The following PPEF1 variants were observed in gnomAD, a reference collection of about 807,000 sequenced individuals.
The protein encoded by PPEF1 is serine/threonine-protein phosphatase with EF-hands 1.
PPEF1 carries 12 observed loss-of-function variants against 53.3 expected under a neutral mutation model. The ratio of observed to expected loss-of-function variants is 0.23; its 90% confidence interval spans 0.14 to 0.36. The LOEUF is 0.36. PPEF1 is among the 10% of genes least tolerant of loss of function. The pLI is 1.00. For synonymous variants in PPEF1, 165 were observed against 176.7 expected (o/e 0.93, Z 0.52); for missense variants, 334 against 490.4 (o/e 0.68, Z 3.01).
At chrX:18,711,748 C>T (rs1442074611) in intron 1 of PPEF1, among the ~76,000 whole-genome samples, 1 of 96,941 alleles carries the variant, frequency 1.0e-5, no homozygotes, top group Non-Finnish European at 2.0e-5. Flanking sequence ...GTCTGGATTA[C>T]TATAGCTTTT....
rs12862222 is a variant in PPEF1 at position 18,799,282 on chromosome X, C to T, written c.1066-4610C>T. On this transcript the variant is annotated intron_variant, in intron 10 of 15. Coordinates refer to ENST00000470157, the MANE Select transcript of PPEF1 (RefSeq NM_001377996.1). ...CTAGCTGGGCGTGGTGGCACGTACC[C>T]GTAATCTCAGCTAGTCGGGAGACTG... Among the ~76,000 whole-genome samples the T allele has an allele frequency of 1.5e-3, 158 of 106,294 alleles. 1 individual carries two copies. The highest frequency in any genetic ancestry group is 2.8e-3 in the Non-Finnish European group (143 of 51,729). The allele number at this position is 106,294 out of a possible 115,157, so 92.3% of individuals were successfully genotyped here.
intron 3 of PPEF1, among the ~76,000 whole-genome samples, chrX:18,745,662 A>G (rs746221848): frequency 1.3e-4 from 15 of 111,769 alleles, no homozygotes; most frequent in Admixed American, 1.2e-3. Flanking sequence ...TGAAACAGTG[A>G]AAGTGGGCAT....
At chrX:18,730,451 G>A in intron 2 of PPEF1, 143 bp downstream of exon 2, 1 of 723,685 alleles carries the variant, frequency 1.4e-6, no homozygotes, top group Non-Finnish European at 2.0e-6. Flanking sequence ...CATTGTCTTG[G>A]AACTAGTTAT....
intron 1 of PPEF1, among the ~76,000 whole-genome samples, chrX:18,716,298 C>T (rs896154927): frequency 5.4e-5 from 6 of 110,682 alleles, no homozygotes; most frequent in Admixed American, 1.9e-4. Context: ...TTTGGGAGGC[C>T]GAGGCGGGTG....
chrX:18,799,034 C>T (rs2046490816), intron 10 of PPEF1, among the ~76,000 whole-genome samples: 1 of 111,308 alleles, frequency 9.0e-6, no homozygotes, highest in African/African-American at 3.2e-5. Context: ...TCAGGAGTTC[C>T]AGACCAGCCT....
intron 6 of PPEF1, among the ~76,000 whole-genome samples, chrX:18,776,252 T>C (rs998452105): frequency 3.3e-5 from 3 of 91,166 alleles, no homozygotes; most frequent in Non-Finnish European, 4.6e-5. Flanking sequence ...TGGTTTGTTT[T>C]AGACAGGGTC....
intron 12 of PPEF1, among the ~76,000 whole-genome samples, chrX:18,809,515 G>C (rs1189109052): frequency 9.1e-6 from 1 of 110,132 alleles, no homozygotes; most frequent in Non-Finnish European, 1.9e-5. Flanking sequence ...TGACTAGCTG[G>C]GCAACATGGT....
chrX:18,747,527 A>G (rs2045355449), intron 3 of PPEF1, among the ~76,000 whole-genome samples: 1 of 112,194 alleles, frequency 8.9e-6, no homozygotes, highest in African/African-American at 3.2e-5. Context: ...CCTAGGCTGG[A>G]GTGCAGTGGC....
chrX:18,758,726 C>T (rs758399573), intron 5 of PPEF1, among the ~76,000 whole-genome samples: 9 of 111,112 alleles, frequency 8.1e-5, no homozygotes, highest in African/African-American at 2.9e-4. Flanking sequence ...TCATGAGGCT[C>T]AGAAAGCCAT....
At chrX:18,766,089 A>G (rs2045764562) in intron 6 of PPEF1, among the ~76,000 whole-genome samples, 1 of 108,982 alleles carries the variant, frequency 9.2e-6, no homozygotes, top group African/African-American at 3.4e-5. Flanking sequence ...AAAAAAGAAA[A>G]AAGAAAAAAG....
chrX:18,769,961 TG>T (rs2045841670), intron 6 of PPEF1, among the ~76,000 whole-genome samples: 2 of 111,945 alleles, frequency 1.8e-5, no homozygotes, highest in African/African-American at 6.5e-5. Flanking sequence ...TTTTTGTCTC[TG>T]TTTAAGTTAA....
chrX:18,741,691 C>T (rs925540803), intron 3 of PPEF1, among the ~76,000 whole-genome samples: 1 of 108,641 alleles, frequency 9.2e-6, no homozygotes, highest in Non-Finnish European at 1.9e-5. Context: ...TTCTTGACTT[C>T]TACACCCTAG....
chrX:18,730,376 T>C, intron 2 of PPEF1, 68 bp downstream of exon 2: 1 of 1,138,357 alleles, frequency 8.8e-7, no homozygotes, highest in East Asian at 3.1e-5. Flanking sequence ...ATTGAAAGAA[T>C]GAAAGTTTGG....
At chrX:18,729,511 A>T (rs1290449953) in intron 1 of PPEF1, among the ~76,000 whole-genome samples, 1 of 112,039 alleles carries the variant, frequency 8.9e-6, no homozygotes, top group Non-Finnish European at 1.9e-5. Flanking sequence ...TTTAATAACC[A>T]TTCCAATGGA....
chrX:18,707,636 C>T (rs934121960), upstream of PPEF1: 24 of 476,265 alleles, frequency 5.0e-5, no homozygotes, highest in Non-Finnish European at 8.1e-5. Flanking sequence ...TTCCTTCCCT[C>T]CCTCCTGTGT....
chrX:18,784,485 A>G (rs1449684726), intron 9 of PPEF1, among the ~76,000 whole-genome samples: 1 of 110,128 alleles, frequency 9.1e-6, no homozygotes, highest in Non-Finnish European at 1.9e-5. Flanking sequence ...CATCACTACC[A>G]TCTATTTACA....
intron 2 of PPEF1, among the ~76,000 whole-genome samples, chrX:18,685,684 C>CAAA (rs1212907646): frequency 1.0e-4 from 3 of 28,716 alleles, no homozygotes; most frequent in Admixed American, 4.2e-4. Context: ...GACTCCATCT[C>CAAA]AAAAAAAAAA....
intron 14 of PPEF1, among the ~76,000 whole-genome samples, chrX:18,825,074 T>G (rs760336022): frequency 2.3e-5 from 1 of 43,039 alleles, no homozygotes; most frequent in South Asian, 5.3e-4. Flanking sequence ...GAAAGAGTTT[T>G]GAAATGTAGA....
At chrX:18,780,913 G>A (rs779799477) in intron 7 of PPEF1, among the ~76,000 whole-genome samples, 27 of 110,187 alleles carry the variant, frequency 2.5e-4, no homozygotes, top group African/African-American at 8.6e-4. Context: ...AAAATTAGCC[G>A]GGCATAGTGG....
Sources: gnomAD v4.1 joint callset for allele counts (sites outside exome capture counted in the v4.1 genomes callset) on GRCh38, gnomAD v4.1.1 for gene constraint, MANE v1.5 for transcripts, NCBI Gene and HGNC (gene_info 2026-07-23, HGNC 2026-07-21) for gene names.